CPED1: variants seen among roughly 807,000 people sequenced by gnomAD.
The protein encoded by CPED1 is cadherin like and PC-esterase domain containing 1.
In CPED1, 114 loss-of-function variants were observed where a neutral mutation model predicts 128.2. The ratio of observed to expected loss-of-function variants is 0.89; its 90% CI spans 0.76 to 1.04. The LOEUF (loss-of-function observed/expected upper bound fraction) is 1.04, where lower values mean the gene tolerates loss of function less well. CPED1 is among the 50% of genes least tolerant of loss of function. CPED1 has a pLI of 0.00. For synonymous variants in CPED1, 462 were observed against 426.7 expected (o/e 1.08, Z -1.02); for missense variants, 1,211 against 1,207.1 (o/e 1.00, Z -0.05).
chr7:121,118,088 C>T (rs1346571526), intron 7 of CPED1, among the ~76,000 whole-genome samples: 1 of 152,062 alleles, frequency 6.6e-6, no homozygotes, highest in Non-Finnish European at 1.5e-5. Flanking sequence ...TTAACATATA[C>T]CTTGGAGGGA....
At chr7:121,217,033 G>A (rs1797774482) in intron 16 of CPED1, among the ~76,000 whole-genome samples, 2 of 151,758 alleles carry the variant, frequency 1.3e-5, no homozygotes, top group African/African-American at 4.8e-5. Flanking sequence ...CCCTAATTGA[G>A]AGGTTGCACA....
At chr7:121,052,910 A>G (rs1256622636) in intron 4 of CPED1, among the ~76,000 whole-genome samples, 1 of 151,816 alleles carries the variant, frequency 6.6e-6, no homozygotes, top group Non-Finnish European at 1.5e-5. Flanking sequence ...GTAGAGACTG[A>G]GTTTTGCCAT....
intron 5 of CPED1, among the ~76,000 whole-genome samples, chr7:121,094,146 T>G (rs1794641136): frequency 1.3e-5 from 2 of 152,228 alleles, no homozygotes; most frequent in Admixed American, 1.3e-4. Context: ...TTATTTATAC[T>G]TCTAATCTCA....
At chr7:121,045,508 T>G (rs1206981313) in intron 3 of CPED1, among the ~76,000 whole-genome samples, 2 of 152,226 alleles carry the variant, frequency 1.3e-5, no homozygotes, top group Admixed American at 1.3e-4. Flanking sequence ...TCCCTCTTCC[T>G]TATTAATACT....
At chr7:121,170,454 T>C (rs943427226) in intron 16 of CPED1, among the ~76,000 whole-genome samples, 17 of 152,160 alleles carry the variant, frequency 1.1e-4, no homozygotes, top group African/African-American at 3.9e-4. Flanking sequence ...CAAATTTTAC[T>C]TGTTAACTTA....
At chr7:121,278,943 G>A (rs1020746256) in intron 22 of CPED1, among the ~76,000 whole-genome samples, 8 of 152,082 alleles carry the variant, frequency 5.3e-5, no homozygotes, top group Non-Finnish European at 8.8e-5. Context: ...AAGAGATGCT[G>A]ACTCATAAAC....
At chr7:121,183,106 G>T (rs1331866005) in intron 16 of CPED1, among the ~76,000 whole-genome samples, 1 of 151,998 alleles carries the variant, frequency 6.6e-6, no homozygotes, top group Non-Finnish European at 1.5e-5. Flanking sequence ...ATGTGCTGTA[G>T]AACCTACAAG....
In CPED1 at chr7:121,074,509, G is replaced by GTTTTTTTTTTTTTTTTT. The variant is rs1157885862; in HGVS notation, c.616+10198_616+10214dup. On this transcript the variant is annotated intron_variant, in intron 5 of 22. Transcript: ENST00000310396. ...TTCCTTACTAATAAATTTCCTTTGT[G>GTTTTTTTTTTTTTTTTT]TTTTTTTTTTTTTTTTTTGAGGGCA... is the stretch of plus-strand genomic sequence containing the variant. Among the ~76,000 whole-genome samples, 51 of 80,836 alleles carry GTTTTTTTTTTTTTTTTT rather than the reference G, an allele frequency of 6.3e-4. 10 individuals carry two copies. The highest frequency in any genetic ancestry group is 2.0e-3 in the African/African-American group (45 of 22,020). 53.0% of individuals were successfully genotyped at this position (80,836 alleles called of 152,430 possible).
chr7:121,086,445 C>T (rs544839709), intron 5 of CPED1, among the ~76,000 whole-genome samples: 73 of 151,884 alleles, frequency 4.8e-4, no homozygotes, highest in Admixed American at 6.6e-4. Context: ...AGCCATTTGT[C>T]GATAAAAAGC....
intron 5 of CPED1, among the ~76,000 whole-genome samples, chr7:121,076,968 G>T (rs145049337): frequency 7.9e-5 from 12 of 152,018 alleles, no homozygotes; most frequent in African/African-American, 2.9e-4. Flanking sequence ...AACCAAGAAA[G>T]AAATAGAATG....
chr7:121,211,053 T>C (rs1797629833), intron 16 of CPED1, among the ~76,000 whole-genome samples: 5 of 152,094 alleles, frequency 3.3e-5, no homozygotes, highest in Admixed American at 3.3e-4. Flanking sequence ...AAAAAAACTG[T>C]ATTTCATGGA....
At chr7:121,079,818 G>T (rs1450807484) in intron 5 of CPED1, among the ~76,000 whole-genome samples, 1 of 152,190 alleles carries the variant, frequency 6.6e-6, no homozygotes, top group Non-Finnish European at 1.5e-5. Context: ...TACTTATGTT[G>T]TCCTGTACAG....
chr7:121,258,172 A>C (rs1391073016), intron 18 of CPED1, among the ~76,000 whole-genome samples: 3 of 152,108 alleles, frequency 2.0e-5, no homozygotes, highest in African/African-American at 4.8e-5. Context: ...ATGTTACCAC[A>C]GAGTAGAGTC....
intron 16 of CPED1, among the ~76,000 whole-genome samples, chr7:121,219,479 AAGAAATATT>A: frequency 6.6e-6 from 1 of 152,218 alleles, no homozygotes; most frequent in East Asian, 1.9e-4. Flanking sequence ...GAGAAATGTA[AAGAAATATT>A]TCCAATATTA....
chr7:121,205,648 G>A lies in CPED1; in HGVS notation c.2056-31066G>A, dbSNP rs575387342. On this transcript the variant is annotated intron_variant, in intron 16 of 22. Transcript: ENST00000310396. ...AAATAAATAAATAAATACAATGTAT[G>A]CCATTCATTTTGCTGAATTTTCTTG... Among the ~76,000 whole-genome samples the A allele has an allele frequency of 5.3e-5, 8 of 152,008 alleles. No individual in the cohort carries two copies. In the South Asian group the frequency reaches 6.2e-4, roughly 12 times the overall value.
intron 2 of CPED1, among the ~76,000 whole-genome samples, chr7:120,999,596 G>C (rs562241311): frequency 1.3e-5 from 2 of 152,056 alleles, no homozygotes; most frequent in African/African-American, 4.8e-5. Context: ...GGAAGATGTA[G>C]ATTTTAAAAT....
intron 3 of CPED1, among the ~76,000 whole-genome samples, chr7:121,020,017 A>G (rs984321141): frequency 6.6e-6 from 1 of 152,006 alleles, no homozygotes; most frequent in African/African-American, 2.4e-5. Context: ...TTGGATCAGA[A>G]TCATTTATGT....
rs184740994 is a variant in CPED1, at chr7:121,167,545, A to G, written c.2055+25404A>G. On this transcript the variant is annotated intron_variant, in intron 16 of 22. Transcript: ENST00000310396. ...GGATTTATGAAAAGGATCACAGCAT[A>G]AAGTCTGCTTGAGAAACTTAATGAA... Among the ~76,000 whole-genome samples the G allele has an allele frequency of 9.1e-4, 138 of 152,310 alleles. 2 individuals carry two copies. The highest frequency in any genetic ancestry group is 3.2e-3 in the African/African-American group (133 of 41,562).
At chr7:121,167,255 A>G (rs1266148075) in intron 16 of CPED1, among the ~76,000 whole-genome samples, 1 of 152,240 alleles carries the variant, frequency 6.6e-6, no homozygotes, top group Non-Finnish European at 1.5e-5. Flanking sequence ...TAGGAAAAAA[A>G]GAAGGATTAA....
Sources: gnomAD v4.1 joint callset for allele counts (sites outside exome capture counted in the v4.1 genomes callset) on GRCh38, gnomAD v4.1.1 for gene constraint, MANE v1.5 for transcripts, NCBI Gene and HGNC (gene_info 2026-07-23, HGNC 2026-07-21) for gene names.